LANCL3: variants seen among roughly 807,000 people sequenced by gnomAD.
LANCL3 encodes the protein LanC like family member 3, also known as lanC-like protein 3.
Under a neutral mutation model 26.5 loss-of-function variants are expected in LANCL3, and 19 were observed. That is an observed-to-expected ratio of 0.72 (90% CI 0.50 to 1.05). The LOEUF (loss-of-function observed/expected upper bound fraction) is 1.05, where lower values mean the gene tolerates loss of function less well. Ranked by LOEUF, LANCL3 falls within the 50% of genes least tolerant of loss-of-function variation. The pLI is 0.00. For missense variants in LANCL3, 318 were observed against 362.7 expected, an observed-to-expected ratio of 0.88 and a Z score of 1.00; for synonymous variants, 160 against 166.6, an observed-to-expected ratio of 0.96 and a Z score of 0.30.
Position 37,572,209 on chromosome X carries a change from C to T in LANCL3, c.339C>T (p.Asp113=). ...CARAEEWGEP[D]ADTRAAFLLG... ...GCGCTGAGGAGTGGGGCGAACCGGA[C>T]GCCGACACCCGCGCCGCCTTCCTGC... The change falls in exon 1 of 5, where the codon GAC becomes GAT. Residue 113 remains aspartate (D), a synonymous_variant. Coordinates refer to ENST00000378619, the MANE Select transcript of LANCL3 (RefSeq NM_001170331.2). The T allele has an allele frequency of 1.7e-6, 2 of 1,157,982 alleles. No homozygotes were observed. Among genetic ancestry groups the T allele is most frequent in the Non-Finnish European group, 1.1e-6 (1 of 872,738 alleles).
chrX:37,582,237 A>G (rs2146709267), intron 1 of LANCL3, among the ~76,000 whole-genome samples: 1 of 112,130 alleles, frequency 8.9e-6, no homozygotes, highest in African/African-American at 3.2e-5. Context: ...GTGCGGCAAT[A>G]AACATACGTG....
At position 37,684,100 on chromosome X, in the gene LANCL3, T is replaced by C. The variant is rs982636187; in HGVS notation, c.*8287T>C. On this transcript the variant is annotated 3_prime_UTR_variant, in exon 5 of 5. Transcript: ENST00000378619. ...TCAGAATTTAGCTTTTGTTATTGGT[T>C]GTTCTGCAGGGGATAGTACTAGTCA... 9 of 112,303 alleles carry C rather than the reference T, an allele frequency of 8.0e-5. No individual in the cohort carries two copies. Among genetic ancestry groups the C allele is most frequent in the African/African-American group, 2.9e-4 (9 of 30,926 alleles). 9.3% of individuals were successfully genotyped at this position (112,303 alleles called of 1,213,427 possible).
At chrX:37,631,418 A>G (rs1428908347) in intron 1 of LANCL3, among the ~76,000 whole-genome samples, 1 of 111,302 alleles carries the variant, frequency 9.0e-6, no homozygotes, top group East Asian at 2.8e-4. Context: ...GGATTCATTG[A>G]TTTTTTGAAG....
chrX:37,654,811 A>T (rs1368992206), intron 1 of LANCL3, among the ~76,000 whole-genome samples: 1 of 112,143 alleles, frequency 8.9e-6, no homozygotes, highest in African/African-American at 3.2e-5. Flanking sequence ...CAAAGAACTG[A>T]TAGTCTAGTG....
At chrX:37,615,332 A>G (rs1455933546) in intron 1 of LANCL3, among the ~76,000 whole-genome samples, 1 of 112,213 alleles carries the variant, frequency 8.9e-6, no homozygotes, top group African/African-American at 3.2e-5. Context: ...GAGAGGCAAG[A>G]ACATAACTTA....
chrX:37,639,767 T>C (rs1556425741), intron 1 of LANCL3, among the ~76,000 whole-genome samples: 2 of 111,433 alleles, frequency 1.8e-5, no homozygotes, highest in African/African-American at 6.5e-5. Context: ...AAAAAATGAG[T>C]GTCTGATTCT....
intron 1 of LANCL3, among the ~76,000 whole-genome samples, chrX:37,636,967 G>A (rs1556425410): frequency 8.9e-6 from 1 of 112,137 alleles, no homozygotes; most frequent in Non-Finnish European, 1.9e-5. Context: ...GCTTTCTACA[G>A]TTCTATATTA....
chrX:37,646,944 G>A (rs1446418506), intron 1 of LANCL3, among the ~76,000 whole-genome samples: 2 of 111,942 alleles, frequency 1.8e-5, no homozygotes, highest in Admixed American at 9.5e-5. Flanking sequence ...ACCTTGAACA[G>A]CTTGTATCTC....
At chrX:37,609,620 A>C (rs1556420900) in intron 1 of LANCL3, among the ~76,000 whole-genome samples, 1 of 111,773 alleles carries the variant, frequency 8.9e-6, no homozygotes, top group East Asian at 2.8e-4. Context: ...CTCTAATAAC[A>C]TTTGTTTCTT....
At chrX:37,624,482 C>G (rs782626479) in intron 1 of LANCL3, among the ~76,000 whole-genome samples, 1 of 111,370 alleles carries the variant, frequency 9.0e-6, no homozygotes, top group African/African-American at 3.3e-5. Flanking sequence ...TATATAAAAT[C>G]ATTCCTCTGT....
intron 1 of LANCL3, among the ~76,000 whole-genome samples, chrX:37,586,623 C>T (rs1924091450): frequency 8.9e-6 from 1 of 112,147 alleles, no homozygotes; most frequent in Non-Finnish European, 1.9e-5. Flanking sequence ...TCACGTAGTT[C>T]TCGTGCCATG....
In LANCL3 at chrX:37,665,865, C is replaced by T. The variant is rs201713400; in HGVS notation, c.896-1417C>T. Among the ~76,000 whole-genome samples, 562 of 112,272 alleles carry T rather than the reference C, an allele frequency of 5.0e-3. 7 individuals carry two copies. Among genetic ancestry groups the T allele is most frequent in the African/African-American group, 0.018 (542 of 30,911 alleles). On this transcript the variant is annotated intron_variant, in intron 3 of 4. Transcript: ENST00000378619. ...CCAGCCTTGTCTAGGGCTGTGCGTA[C>T]AGTACATAATCAATGACTACTCTCA...
At chrX:37,634,920 A>G (rs888664927) in intron 1 of LANCL3, among the ~76,000 whole-genome samples, 1 of 111,381 alleles carries the variant, frequency 9.0e-6, no homozygotes, top group Admixed American at 9.6e-5. Flanking sequence ...GTATATGAGA[A>G]TTTTTGTACT....
At chrX:37,634,220 C>T (rs187955884) in intron 1 of LANCL3, among the ~76,000 whole-genome samples, 4 of 112,647 alleles carry the variant, frequency 3.6e-5, no homozygotes, top group African/African-American at 6.5e-5. Flanking sequence ...ACTCCGTGGA[C>T]GTAGGACCCT....
intron 1 of LANCL3, among the ~76,000 whole-genome samples, chrX:37,590,301 C>G (rs1485656847): frequency 8.9e-6 from 1 of 112,731 alleles, no homozygotes; most frequent in Admixed American, 9.3e-5. Context: ...GTGACACTGT[C>G]AAAGTGACAA....
chrX:37,572,042 G>C lies in LANCL3; in HGVS notation c.172G>C (p.Ala58Pro), dbSNP rs782763623. 3.7e-5 allele frequency: 44 copies of C among 1,178,767 alleles called. No homozygotes were observed. Among genetic ancestry groups the C allele is most frequent in the Middle Eastern group, 3.0e-4 (1 of 3,374 alleles). ...GAEARGATAG[A>P]SACQGGLYGG... ...GGAGGCCCGAGGGGCGACGGCGGGG[G>C]CTAGCGCCTGCCAGGGGGGGCTTTA... The change falls in exon 1 of 5, where the codon GCT becomes CCT. Residue 58 changes from alanine (A) to proline (P), a missense_variant. Coordinates refer to ENST00000378619, the MANE Select transcript of LANCL3 (RefSeq NM_001170331.2).
At position 37,655,830 on chromosome X, in the gene LANCL3, A is replaced by G; in HGVS notation, c.697+19A>G. On this transcript the variant is annotated intron_variant, in intron 2 of 4. Transcript: ENST00000378619. ...TACTTGGGTAAGTGAAGGTGTTTGC[A>G]TGGGCCTGTAGGAAGGAGAAAGTCT... 1 of 1,197,677 alleles carries G rather than the reference A, an allele frequency of 8.3e-7. No homozygotes were observed. The highest frequency in any genetic ancestry group is 1.1e-6 in the Non-Finnish European group (1 of 885,406).
At chrX:37,607,584 T>C (rs973585804) in intron 1 of LANCL3, among the ~76,000 whole-genome samples, 1 of 112,707 alleles carries the variant, frequency 8.9e-6, no homozygotes, top group Non-Finnish European at 1.9e-5. Flanking sequence ...AATATCATAG[T>C]ACCAGCTTAG....
chrX:37,653,641 A>G (rs1926211267), intron 1 of LANCL3, among the ~76,000 whole-genome samples: 1 of 112,466 alleles, frequency 8.9e-6, no homozygotes, highest in Non-Finnish European at 1.9e-5. Flanking sequence ...TAAACTTAAG[A>G]TCAGTTGGCA....
Sources: gnomAD v4.1 joint callset for allele counts (sites outside exome capture counted in the v4.1 genomes callset) on GRCh38, gnomAD v4.1.1 for gene constraint, MANE v1.5 for transcripts, NCBI Gene and HGNC (gene_info 2026-07-23, HGNC 2026-07-21) for gene names.